The following STS variants were observed in gnomAD, a reference collection of about 807,000 sequenced individuals.
The protein encoded by STS is steroid sulfatase.
Under a neutral mutation model 26.8 loss-of-function variants are expected in STS, and 7 were observed. The ratio of observed to expected loss-of-function variants is 0.26; its 90% CI spans 0.15 to 0.49. The LOEUF is 0.49. STS is among the 20% of genes least tolerant of loss of function. STS has a pLI of 0.98. For missense variants in STS, 434 were observed against 465.6 expected (o/e 0.93, Z 0.63); for synonymous variants, 199 against 189.4 (o/e 1.05, Z -0.42).
intron 2 of STS, among the ~76,000 whole-genome samples, chrX:7,193,376 TTTG>T (rs1233209211): frequency 3.6e-5 from 4 of 111,529 alleles, no homozygotes; most frequent in South Asian, 3.8e-4. Flanking sequence ...AGTAGGGTTT[TTTG>T]TTGTTGTTGT....
intron 6 of STS, among the ~76,000 whole-genome samples, chrX:7,274,061 T>C (rs918274169): frequency 1.6e-4 from 18 of 111,298 alleles, no homozygotes; most frequent in African/African-American, 5.9e-4. Context: ...TGCAGAGCAT[T>C]GAGCTGTGAA....
At chrX:7,344,292 T>A (rs1310092676) in intron 10 of STS, among the ~76,000 whole-genome samples, 2 of 111,686 alleles carry the variant, frequency 1.8e-5, no homozygotes, top group Non-Finnish European at 3.8e-5. Flanking sequence ...TGCTGGAGGC[T>A]GCCCTGTGGA....
chrX:7,191,692 C>T (rs1933876268), intron 2 of STS, among the ~76,000 whole-genome samples: 1 of 109,334 alleles, frequency 9.1e-6, no homozygotes. Context: ...CAGGTCTCTC[C>T]CCGCAGGAAG....
intron 6 of STS, among the ~76,000 whole-genome samples, chrX:7,272,892 A>T (rs1169937565): frequency 1.8e-5 from 2 of 111,563 alleles, no homozygotes; most frequent in Non-Finnish European, 3.8e-5. Context: ...CATACCTGTA[A>T]TCCCAGCACT....
intron 1 of STS, among the ~76,000 whole-genome samples, chrX:7,171,752 T>C (rs1339603308): frequency 2.7e-5 from 3 of 112,014 alleles, no homozygotes; most frequent in African/African-American, 9.7e-5. Context: ...ATAGTGTCTG[T>C]GGAATATATG....
At chrX:7,313,099 C>A (rs1926558983) in intron 8 of STS, among the ~76,000 whole-genome samples, 1 of 112,585 alleles carries the variant, frequency 8.9e-6, no homozygotes, top group Non-Finnish European at 1.9e-5. Context: ...TTCCTCCCTC[C>A]CTTTTTCTCT....
At chrX:7,307,993 G>C (rs1926298466) in intron 8 of STS, among the ~76,000 whole-genome samples, 1 of 112,167 alleles carries the variant, frequency 8.9e-6, no homozygotes, top group African/African-American at 3.2e-5. Flanking sequence ...CTTATCAGTT[G>C]CTCATTTACT....
chrX:7,252,577 G>A (rs1178285018), intron 2 of STS, among the ~76,000 whole-genome samples: 1 of 111,738 alleles, frequency 8.9e-6, no homozygotes, highest in East Asian at 2.8e-4. Context: ...TCAACAAGAA[G>A]GGGTCTAACT....
chrX:7,323,361 C>G (rs996020710), intron 8 of STS, among the ~76,000 whole-genome samples: 6 of 110,774 alleles, frequency 5.4e-5, no homozygotes, highest in South Asian at 7.8e-4. Flanking sequence ...TAGTTTTTCA[C>G]TCCTTGACCT....
At chrX:7,169,363 C>A (rs1292232507) in intron 1 of STS, among the ~76,000 whole-genome samples, 1 of 112,348 alleles carries the variant, frequency 8.9e-6, no homozygotes, top group Non-Finnish European at 1.9e-5. Context: ...TAAGGTCCAT[C>A]CATGTTGTAG....
At chrX:7,299,510 A>G (rs762395452) in intron 7 of STS, among the ~76,000 whole-genome samples, 34 of 107,156 alleles carry the variant, frequency 3.2e-4, no homozygotes, top group African/African-American at 1.1e-3. Context: ...AAACATATCT[A>G]TGTTATATTT....
intron 10 of STS, among the ~76,000 whole-genome samples, chrX:7,340,032 A>C (rs1197719170): frequency 9.2e-6 from 1 of 109,136 alleles, no homozygotes; most frequent in Admixed American, 9.9e-5. Context: ...AAGTAAATCA[A>C]AATTGAATTT....
At chrX:7,169,140 T>C (rs1464019475) in intron 1 of STS, among the ~76,000 whole-genome samples, 2 of 110,813 alleles carry the variant, frequency 1.8e-5, no homozygotes, top group Non-Finnish European at 3.8e-5. Flanking sequence ...TCCACATTCC[T>C]CCCATACCCC....
chrX:7,246,514 G>A (rs1922889299), intron 2 of STS, among the ~76,000 whole-genome samples: 1 of 110,113 alleles, frequency 9.1e-6, no homozygotes, highest in Non-Finnish European at 1.9e-5. Context: ...CACCGTGTTA[G>A]CCAGGATGGT....
Position 7,166,504 on chromosome X carries a change from T to G in STS, c.-134+18421T>G, listed in dbSNP as rs769793040. On this transcript the variant is annotated intron_variant, in intron 1 of 10. Coordinates refer to ENST00000674429, the MANE Select transcript of STS (RefSeq NM_001320752.2). ...ATGGGGATATGCAAAGCCATTTGTCTTAATTGGCAGACAGGATCATATAAA... is the reference window on the plus strand; with the variant it reads ...ATGGGGATATGCAAAGCCATTTGTCGTAATTGGCAGACAGGATCATATAAA... Among the ~76,000 whole-genome samples, 36 of 111,802 alleles carry G rather than the reference T, an allele frequency of 3.2e-4. No individual in the cohort carries two copies. In the South Asian group the frequency reaches 0.013, roughly 39 times the overall value.
At chrX:7,303,089 C>A (rs187862989) in intron 7 of STS, among the ~76,000 whole-genome samples, 1 of 111,262 alleles carries the variant, frequency 9.0e-6, no homozygotes, top group Non-Finnish European at 1.9e-5. Flanking sequence ...ATAATTCCCA[C>A]GTGTTGTGGG....
At chrX:7,254,580 T>C (rs111678326) in intron 3 of STS, among the ~76,000 whole-genome samples, 44 of 94,229 alleles carry the variant, frequency 4.7e-4, no homozygotes, top group South Asian at 5.8e-4. Flanking sequence ...TCTTCTTCTT[T>C]TTTTTTTTTT....
intron 7 of STS, among the ~76,000 whole-genome samples, chrX:7,278,965 C>T (rs968543609): frequency 5.4e-5 from 6 of 110,972 alleles, no homozygotes; most frequent in Admixed American, 1.9e-4. Context: ...CCCAACCTCC[C>T]AATGGGGTCC....
At chrX:7,290,112 T>C (rs1402032387) in intron 7 of STS, among the ~76,000 whole-genome samples, 1 of 111,999 alleles carries the variant, frequency 8.9e-6, no homozygotes, top group Non-Finnish European at 1.9e-5. Flanking sequence ...ATGAGATCAT[T>C]TGAAGAGAAG....
Sources: gnomAD v4.1 joint callset for allele counts (sites outside exome capture counted in the v4.1 genomes callset) on GRCh38, gnomAD v4.1.1 for gene constraint, MANE v1.5 for transcripts, NCBI Gene and HGNC (gene_info 2026-07-23, HGNC 2026-07-21) for gene names.